The following SRGAP1 variants were observed in gnomAD, a reference collection of about 807,000 sequenced individuals.
SRGAP1 encodes SLIT-ROBO Rho GTPase-activating protein 1.
Under a neutral mutation model 121.9 loss-of-function variants are expected in SRGAP1, and 43 were observed. The ratio of observed to expected loss-of-function variants is 0.35; its 90% CI spans 0.28 to 0.46. The LOEUF is 0.46. Ranked by LOEUF, SRGAP1 falls within the 20% of genes least tolerant of loss-of-function variation. The pLI is 1.00. For missense variants in SRGAP1, 1,102 were observed against 1,350.9 expected (o/e 0.82, Z 2.89); for synonymous variants, 447 against 485.4 (o/e 0.92, Z 1.04).
chr12:64,038,684 A>G (rs1207408739), intron 4 of SRGAP1: 1 of 152,256 alleles, frequency 6.6e-6, no homozygotes, highest in Admixed American at 6.5e-5. Flanking sequence ...CATATAGGAT[A>G]TCCCAATCTC....
In SRGAP1 at chr12:63,919,499, C is replaced by CATATATATATATAT. The variant is rs10570691; in HGVS notation, c.68-64438_68-64425dup. Among the ~76,000 whole-genome samples the CATATATATATATAT allele has an allele frequency of 5.5e-3, 737 of 133,642 alleles. 6 individuals carry two copies. The highest frequency in any genetic ancestry group is 0.014 in the African/African-American group (458 of 32,292). The allele number at this position is 133,642 out of a possible 152,430, so 87.7% of individuals were successfully genotyped here. Reference sequence around the variant, plus strand: ...TTTTAATTGTTTTAACTTAACATTACATATATATATATATATATATATACA... The same window carrying CATATATATATATAT: ...TTTTAATTGTTTTAACTTAACATTACATATATATATATATATATATATATATATATATATATACA... On this transcript the variant is annotated intron_variant, in intron 1 of 21. Transcript: ENST00000355086.
intron 1 of SRGAP1, among the ~76,000 whole-genome samples, chr12:63,862,585 C>G (rs557845020): frequency 1.3e-5 from 2 of 152,226 alleles, no homozygotes; most frequent in East Asian, 3.9e-4. Context: ...TAAGTCAGAC[C>G]TTTTTCACTT....
chr12:64,132,626 A>G (rs1223092567), intron 21 of SRGAP1, among the ~76,000 whole-genome samples: 2 of 152,210 alleles, frequency 1.3e-5, no homozygotes, highest in Non-Finnish European at 2.9e-5. Flanking sequence ...ACTGAGGTAG[A>G]AGGTCCCTGA....
At position 64,149,410 on chromosome 12, in the gene SRGAP1, A is replaced by G. The variant is rs10878109; in HGVS notation, c.*6738A>G. The G allele has an allele frequency of 0.45, 68,994 of 151,982 alleles. 16,966 individuals carry two copies. Among genetic ancestry groups the G allele is most frequent in the East Asian group, 0.59 (3,046 of 5,164 alleles). 9.4% of individuals were successfully genotyped at this position (151,982 alleles called of 1,614,324 possible). A position where few individuals can be genotyped will look rare whatever the true frequency, so the allele number is the denominator to read the frequency against. ...GCTGGATGCTTTTTCTTCAATGCCT[A>G]CTTTAGGACCACAGAGTTGGATTTA... On this transcript the variant is annotated 3_prime_UTR_variant, in exon 22 of 22. Transcript: ENST00000355086.
In SRGAP1 at chr12:64,115,302, G is replaced by A. The variant is rs1184256535; in HGVS notation, c.2145-512G>A. Among the ~76,000 whole-genome samples, 3 of 152,142 alleles carry A rather than the reference G, an allele frequency of 2.0e-5. No homozygotes were observed. The East Asian group carries it at 5.8e-4, about 29-fold the overall frequency. ...ACAAGTTAACTTCTGTCTTTATAGA[G>A]TTGTAAAATAACCTAGTCAAAGATG... On this transcript the variant is annotated intron_variant, in intron 17 of 21. Transcript: ENST00000355086.
rs147358555 is a variant in SRGAP1, at chr12:64,075,083, A to G, written c.1126-3836A>G. 7.6e-3 allele frequency among the ~76,000 whole-genome samples: 1,151 copies of G among 152,252 alleles called. 12 individuals are homozygous for G. The highest frequency in any genetic ancestry group is 0.013 in the Admixed American group (203 of 15,302). The stretch of plus-strand genomic sequence containing the variant: ...AAATTAAAGACACACGCACAGAAAT[A>G]TAGAGGTGTGAAGTAGGAAATCAGG... On this transcript the variant is annotated intron_variant, in intron 8 of 21. Coordinates refer to ENST00000355086, the MANE Select transcript of SRGAP1 (RefSeq NM_020762.4).
intron 1 of SRGAP1, among the ~76,000 whole-genome samples, chr12:63,943,792 C>G (rs1467365141): frequency 6.6e-6 from 1 of 151,884 alleles, no homozygotes; most frequent in East Asian, 1.9e-4. Flanking sequence ...CTGGGCCAAC[C>G]AACATTTAGG....
chr12:64,080,153 G>A (rs539058948), intron 9 of SRGAP1, 133 bp from the exon 10 acceptor site: 4 of 630,790 alleles, frequency 6.3e-6, no homozygotes, highest in Non-Finnish European at 8.0e-6. Flanking sequence ...TGAGGCAGGA[G>A]AATCGCTTGA....
At chr12:63,990,378 A>G (rs1593010941) in intron 3 of SRGAP1, among the ~76,000 whole-genome samples, 1 of 152,280 alleles carries the variant, frequency 6.6e-6, no homozygotes, top group Admixed American at 6.5e-5. Context: ...CTAAAAACAC[A>G]GAAATTAGCT....
chr12:63,949,089 A>G lies in SRGAP1; in HGVS notation c.68-34858A>G, dbSNP rs896525755. Among the ~76,000 whole-genome samples the G allele has an allele frequency of 2.8e-5, 4 of 143,070 alleles. No homozygotes were observed. The South Asian group carries it at 6.6e-4, about 24-fold the overall frequency. 93.9% of individuals were successfully genotyped at this position (143,070 alleles called of 152,430 possible). On this transcript the variant is annotated intron_variant, in intron 1 of 21. Coordinates refer to ENST00000355086, the MANE Select transcript of SRGAP1 (RefSeq NM_020762.4). ...TGTATTTTCCATATATGTATTTTCC[A>G]TATATGTATTTTCCATATATATACA...
At chr12:64,068,769 G>A (rs2136545553) in intron 8 of SRGAP1, among the ~76,000 whole-genome samples, 1 of 151,898 alleles carries the variant, frequency 6.6e-6, no homozygotes, top group Non-Finnish European at 1.5e-5. Context: ...CAGCACTTTG[G>A]GAGGCCAAGG....
chr12:63,909,292 G>C (rs1485699727), intron 1 of SRGAP1, among the ~76,000 whole-genome samples: 1 of 152,136 alleles, frequency 6.6e-6, no homozygotes, highest in Non-Finnish European at 1.5e-5. Context: ...AAAACAATTT[G>C]GGCCCCTTGC....
chr12:63,863,819 G>A (rs1393702812), intron 1 of SRGAP1, among the ~76,000 whole-genome samples: 2 of 152,200 alleles, frequency 1.3e-5, no homozygotes, highest in African/African-American at 4.8e-5. Context: ...AGAGTAATAA[G>A]CTCAGAGAGA....
intron 4 of SRGAP1, among the ~76,000 whole-genome samples, chr12:64,023,333 A>G (rs2034590937): frequency 6.6e-6 from 1 of 152,144 alleles, no homozygotes; most frequent in Non-Finnish European, 1.5e-5. Context: ...TGGTGACACA[A>G]AGGTTAGAGG....
At chr12:63,876,872 A>G (rs1900046230) in intron 1 of SRGAP1, among the ~76,000 whole-genome samples, 1 of 152,236 alleles carries the variant, frequency 6.6e-6, no homozygotes, top group Non-Finnish European at 1.5e-5. Context: ...TTTAAAAAAT[A>G]TGAACCAGGC....
chr12:64,027,255 G>C (rs1400689166), intron 4 of SRGAP1, among the ~76,000 whole-genome samples: 1 of 152,136 alleles, frequency 6.6e-6, no homozygotes, highest in East Asian at 1.9e-4. Flanking sequence ...ACACAGCTAG[G>C]AAGTCTCAGA....
chr12:63,909,896 A>G (rs1368633804), intron 1 of SRGAP1, among the ~76,000 whole-genome samples: 1 of 152,216 alleles, frequency 6.6e-6, no homozygotes, highest in African/African-American at 2.4e-5. Flanking sequence ...TTTACTGTTA[A>G]GGCCTTTCAG....
At chr12:64,090,274 A>G (rs2036025467) in intron 11 of SRGAP1, among the ~76,000 whole-genome samples, 1 of 152,262 alleles carries the variant, frequency 6.6e-6, no homozygotes, top group African/African-American at 2.4e-5. Flanking sequence ...TGCATATGTC[A>G]GAGAGAATGG....
At chr12:64,031,597 CAGTA>C in intron 4 of SRGAP1, among the ~76,000 whole-genome samples, 1 of 152,148 alleles carries the variant, frequency 6.6e-6, no homozygotes, top group South Asian at 2.1e-4. Context: ...ACTGGAATAA[CAGTA>C]AGGACACTGT....
Sources: gnomAD v4.1 joint callset for allele counts (sites outside exome capture counted in the v4.1 genomes callset) on GRCh38, gnomAD v4.1.1 for gene constraint, MANE v1.5 for transcripts, NCBI Gene and HGNC (gene_info 2026-07-23, HGNC 2026-07-21) for gene names.